ANKRD34C: variants seen among roughly 807,000 people sequenced by gnomAD.
ANKRD34C encodes ankyrin repeat domain 34C.
For missense variants in ANKRD34C, 563 were observed against 653.0 expected (o/e 0.86, Z 1.50); for synonymous variants, 260 against 253.6 (o/e 1.03, Z -0.24).
At chr15:79,292,504 C>T (rs1381892036) in intron 1 of ANKRD34C, among the ~76,000 whole-genome samples, 5 of 152,158 alleles carry the variant, frequency 3.3e-5, no homozygotes, top group African/African-American at 1.2e-4. Context: ...AATAGCATGG[C>T]TTTATTCTGA....
At chr15:79,288,873 T>A (rs2058652550) in intron 1 of ANKRD34C, among the ~76,000 whole-genome samples, 1 of 132,514 alleles carries the variant, frequency 7.5e-6, no homozygotes, top group Non-Finnish European at 1.5e-5. Context: ...CAGGCTGGAG[T>A]ACAATGGTAC....
rs1326317353 is a variant in ANKRD34C at position 79,293,246 on chromosome 15, A to T, written c.-39A>T. ...CCCTCTTCTTCCTTTGCTAGGTTTGATTGCTACTGTGGCTCAGGTCCTCTA... is the reference window on the plus strand; with the variant it reads ...CCCTCTTCTTCCTTTGCTAGGTTTGTTTGCTACTGTGGCTCAGGTCCTCTA... On this transcript the variant is annotated 5_prime_UTR_variant, in exon 2 of 2. An upstream open reading frame in the 5' UTR loses its in-frame stop. Coordinates refer to ENST00000421388, the MANE Select transcript of ANKRD34C (RefSeq NM_001146341.2). 21 of 1,468,044 alleles carry T rather than the reference A, an allele frequency of 1.4e-5. No homozygotes were observed. Among genetic ancestry groups the T allele is most frequent in the Non-Finnish European group, 1.8e-5 (20 of 1,107,340 alleles). The allele number at this position is 1,468,044 out of a possible 1,614,324, so 90.9% of individuals were successfully genotyped here. A position where few individuals can be genotyped will look rare whatever the true frequency, so the allele number is the denominator to read the frequency against.
chr15:79,291,367 A>G (rs1385703446), intron 1 of ANKRD34C, among the ~76,000 whole-genome samples: 1 of 152,142 alleles, frequency 6.6e-6, no homozygotes, highest in African/African-American at 2.4e-5. Flanking sequence ...CTTCGATGAA[A>G]TGGAAAGAAG....
rs1327406678 is a variant in ANKRD34C at position 79,293,728 on chromosome 15, GGTGATTATTATAACAACA to G, written c.446_463del (p.Val149_Thr154del). On this transcript the variant is annotated inframe_deletion, in exon 2 of 2. Coordinates refer to ENST00000421388, the MANE Select transcript of ANKRD34C (RefSeq NM_001146341.2). ...ATGCCTGCAAAGCCAAAGGGAAGGA[GGTGATTATTATAACAACA>G]GATAAATCGTCTTCAGGCACCAAAA... 2 of 1,551,594 alleles carry G rather than the reference GGTGATTATTATAACAACA, an allele frequency of 1.3e-6. No homozygotes were observed. Among genetic ancestry groups the G allele is most frequent in the African/African-American group, 2.7e-5 (2 of 73,040 alleles).
Position 79,295,863 on chromosome 15 carries a change from A to T in ANKRD34C, c.*971A>T, listed in dbSNP as rs1373271923. 1 of 166,992 alleles carries T rather than the reference A, an allele frequency of 6.0e-6. No homozygotes were observed. Among genetic ancestry groups the T allele is most frequent in the African/African-American group, 2.4e-5 (1 of 41,460 alleles). 10.3% of individuals were successfully genotyped at this position (166,992 alleles called of 1,614,324 possible). A position where few individuals can be genotyped will look rare whatever the true frequency, so the allele number is the denominator to read the frequency against. ...GGACCATTCATTTTGCAGCCTAAAA[A>T]TTTTAGGGGATGCAAACTGTCATTT... On this transcript the variant is annotated 3_prime_UTR_variant, in exon 2 of 2. Coordinates refer to ENST00000421388, the MANE Select transcript of ANKRD34C (RefSeq NM_001146341.2).
At chr15:79,287,560 G>C (rs1161028493) in intron 1 of ANKRD34C, among the ~76,000 whole-genome samples, 1 of 152,204 alleles carries the variant, frequency 6.6e-6, no homozygotes, top group African/African-American at 2.4e-5. Flanking sequence ...TGAGCAAGTA[G>C]ATAGTTAATA....
chr15:79,282,930 C>T lies in ANKRD34C; in HGVS notation c.-343C>T, dbSNP rs1180695362. ...TAAAACCAAACCAAACCAAACCAAACCCAAAACTCCCCTGCTCCCACCGCA... is the reference window on the plus strand; with the variant it reads ...TAAAACCAAACCAAACCAAACCAAATCCAAAACTCCCCTGCTCCCACCGCA... On this transcript the variant is annotated 5_prime_UTR_variant, in exon 1 of 2. Coordinates refer to ENST00000421388, the MANE Select transcript of ANKRD34C (RefSeq NM_001146341.2). 6.6e-6 allele frequency among the ~76,000 whole-genome samples: 1 copy of T among 152,226 alleles called. No homozygotes were observed. The highest frequency in any genetic ancestry group is 1.5e-5 in the Non-Finnish European group (1 of 68,048).
At position 79,295,864 on chromosome 15, in the gene ANKRD34C, T is replaced by C. The variant is rs1194760398; in HGVS notation, c.*972T>C. On this transcript the variant is annotated 3_prime_UTR_variant, in exon 2 of 2. Transcript: ENST00000421388. ...GACCATTCATTTTGCAGCCTAAAAA[T>C]TTTAGGGGATGCAAACTGTCATTTC... 1.2e-5 allele frequency: 2 copies of C among 166,954 alleles called. No homozygotes were observed. The highest frequency in any genetic ancestry group is 2.9e-5 in the Non-Finnish European group (2 of 68,100). 10.3% of individuals were successfully genotyped at this position (166,954 alleles called of 1,614,324 possible). A position where few individuals can be genotyped will look rare whatever the true frequency, so the allele number is the denominator to read the frequency against.
In ANKRD34C at chr15:79,288,960, G is replaced by A. The variant is rs191398577; in HGVS notation, c.-44-4281G>A. Among the ~76,000 whole-genome samples, 200 of 151,710 alleles carry A rather than the reference G, an allele frequency of 1.3e-3. 1 individual carries two copies. Among genetic ancestry groups the A allele is most frequent in the African/African-American group, 4.1e-3 (169 of 41,352 alleles). ...CTCAGTCTTCCGAGTAGCTGGGACT[G>A]CAAGCGTGTGCCACCACGCCTGGCT... On this transcript the variant is annotated intron_variant, in intron 1 of 1. Transcript: ENST00000421388.
rs2058664451 is a variant in ANKRD34C at position 79,293,407 on chromosome 15, T to C, written c.123T>C (p.Asn41=). 3 of 1,551,506 alleles carry C rather than the reference T, an allele frequency of 1.9e-6. No homozygotes were observed. In the African/African-American group the frequency reaches 4.1e-5, roughly 21 times the overall value. Residue 41 remains asparagine, a synonymous_variant, in exon 2 of 2, where the codon AAT becomes AAC. Transcript: ENST00000421388. ...LEGGAYINES[N]DKGETALMVA... is the part of the protein sequence containing the mutation. ...GGGGAGCTTATATCAATGAAAGCAA[T>C]GACAAAGGCGAAACAGCTCTCATGG...
chr15:79,297,996 C>T lies in ANKRD34C; in HGVS notation c.*3104C>T, dbSNP rs963585263. On this transcript the variant is annotated 3_prime_UTR_variant, in exon 2 of 2. Transcript: ENST00000421388. ...GCTTTTTTTTTTCTTTTTAAAAAGCCCATTGTCAACTCTCTTAGAACTTCA... is the reference window on the plus strand; with the variant it reads ...GCTTTTTTTTTTCTTTTTAAAAAGCTCATTGTCAACTCTCTTAGAACTTCA... 1 of 166,542 alleles carries T rather than the reference C, an allele frequency of 6.0e-6. No individual in the cohort carries two copies. The allele number at this position is 166,542 out of a possible 1,614,324, so 10.3% of individuals were successfully genotyped here.
At chr15:79,292,943 A>T (rs1279377915) in intron 1 of ANKRD34C, among the ~76,000 whole-genome samples, 1 of 152,198 alleles carries the variant, frequency 6.6e-6, no homozygotes, top group African/African-American at 2.4e-5. Flanking sequence ...GCATTTAAAC[A>T]AATATTTACT....
At chr15:79,291,591 CACACACACACAGAGAGAG>C (rs1464886337) in intron 1 of ANKRD34C, among the ~76,000 whole-genome samples, 22 of 119,096 alleles carry the variant, frequency 1.8e-4, no homozygotes, top group African/African-American at 6.2e-4. Flanking sequence ...CACACACACA[CACACACACACAGAGAGAG>C]AGAGAGAGAG....
In ANKRD34C at chr15:79,295,618, G is replaced by A. The variant is rs2058670459; in HGVS notation, c.*726G>A. On this transcript the variant is annotated 3_prime_UTR_variant, in exon 2 of 2. Coordinates refer to ENST00000421388, the MANE Select transcript of ANKRD34C (RefSeq NM_001146341.2). ...CAGAAATGAAACTTTCCCCAGACCC[G>A]TCCCCTGACACAGGCTCTTGTATTG... is the stretch of plus-strand genomic sequence containing the variant. 6.0e-6 allele frequency: 1 copy of A among 167,146 alleles called. No individual in the cohort carries two copies. Among genetic ancestry groups the A allele is most frequent in the African/African-American group, 2.4e-5 (1 of 41,554 alleles). The allele number at this position is 167,146 out of a possible 1,614,324, so 10.4% of individuals were successfully genotyped here.
Position 79,294,797 on chromosome 15 carries a change from G to A in ANKRD34C, c.1513G>A (p.Val505Ile), listed in dbSNP as rs1201157133. Reference sequence around the variant, plus strand: ...TGTTGCTCCAAGTTCACCAAAGAGAGTTGACTTAAGAAGTAAAAAGAAGCT... The same window carrying A: ...TGTTGCTCCAAGTTCACCAAAGAGAATTGACTTAAGAAGTAAAAAGAAGCT... ...VPVAPSSPKR[V>I]DLRSKKKLLR... The change falls in exon 2 of 2, where the codon GTT becomes ATT. Residue 505 changes from valine to isoleucine, a missense_variant. Coordinates refer to ENST00000421388, the MANE Select transcript of ANKRD34C (RefSeq NM_001146341.2). 1.3e-6 allele frequency: 2 copies of A among 1,551,582 alleles called. No individual in the cohort carries two copies. Among genetic ancestry groups the A allele is most frequent in the East Asian group, 2.4e-5 (1 of 40,944 alleles).
rs1361673414 is a variant in ANKRD34C, at chr15:79,298,026, G to C, written c.*3134G>C. The C allele has an allele frequency of 6.0e-6, 1 of 166,568 alleles. No homozygotes were observed. Among genetic ancestry groups the C allele is most frequent in the African/African-American group, 2.4e-5 (1 of 41,278 alleles). 10.3% of individuals were successfully genotyped at this position (166,568 alleles called of 1,614,324 possible). A position where few individuals can be genotyped will look rare whatever the true frequency, so the allele number is the denominator to read the frequency against. ...GTCAACTCTCTTAGAACTTCATCAA[G>C]TAAATGGTACCTTGCAAATGTAGGT... On this transcript the variant is annotated 3_prime_UTR_variant, in exon 2 of 2. Transcript: ENST00000421388.
Position 79,293,434 on chromosome 15 carries a change from G to T in ANKRD34C, c.150G>T (p.Val50=), listed in dbSNP as rs370963639. The change falls in exon 2 of 2, where the codon GTG becomes GTT. Residue 50 remains valine (V), a synonymous_variant. Coordinates refer to ENST00000421388, the MANE Select transcript of ANKRD34C (RefSeq NM_001146341.2). ...SNDKGETALM[V]ACITKHVDQQ... ...ACAAAGGCGAAACAGCTCTCATGGT[G>T]GCGTGCATCACCAAACATGTGGACC... 6.4e-7 allele frequency: 1 copy of T among 1,551,690 alleles called. No homozygotes were observed.
At chr15:79,289,146 T>C (rs992234689) in intron 1 of ANKRD34C, among the ~76,000 whole-genome samples, 1 of 152,164 alleles carries the variant, frequency 6.6e-6, no homozygotes, top group South Asian at 2.1e-4. Context: ...AAATGAAAAG[T>C]GTACGATTAT....
rs552408207 is a variant in ANKRD34C, at chr15:79,283,143, C to T, written c.-130C>T. On this transcript the variant is annotated 5_prime_UTR_variant, in exon 1 of 2. In the 5' UTR this introduces an upstream ATG that the reference lacks. Coordinates refer to ENST00000421388, the MANE Select transcript of ANKRD34C (RefSeq NM_001146341.2). ...CGCAGCTGCAGGTAGGGGTGCTGGACGCCCCCTGATTTTGTTTTGGGAATA... is the reference window on the plus strand; with the variant it reads ...CGCAGCTGCAGGTAGGGGTGCTGGATGCCCCCTGATTTTGTTTTGGGAATA... Among the ~76,000 whole-genome samples, 1 of 152,344 alleles carries T rather than the reference C, an allele frequency of 6.6e-6. No homozygotes were observed. Among genetic ancestry groups the T allele is most frequent in the South Asian group, 2.1e-4 (1 of 4,830 alleles).
Sources: allele counts gnomAD v4.1 joint callset (sites outside exome capture counted in the v4.1 genomes callset), GRCh38; gene constraint gnomAD v4.1.1; transcripts MANE v1.5; gene names NCBI Gene and HGNC (gene_info 2026-07-23, HGNC 2026-07-21).